Variants in MICU1 observed in about 807,000 individuals in gnomAD.
MICU1 encodes the protein mitochondrial calcium uptake 1, also known as calcium uptake protein 1, mitochondrial.
A neutral mutation model predicts 56.8 loss-of-function variants in MICU1; 45 were observed. The ratio of observed to expected loss-of-function variants is 0.79; its 90% CI spans 0.62 to 1.02. MICU1 has a LOEUF of 1.02. Ranked by LOEUF, MICU1 falls within the 50% of genes least tolerant of loss-of-function variation. The probability of loss-of-function intolerance (pLI) is 0.00; values close to 1 mark genes in which losing one functional copy is unlikely to be tolerated. For missense variants in MICU1, 504 were observed against 587.1 expected, an observed-to-expected ratio of 0.86 and a Z score of 1.46; for synonymous variants, 186 against 195.1, an observed-to-expected ratio of 0.95 and a Z score of 0.39.
chr10:72,414,773 T>C (rs1462175731), intron 9 of MICU1, among the ~76,000 whole-genome samples: 2 of 152,192 alleles, frequency 1.3e-5, no homozygotes, highest in African/African-American at 4.8e-5. Context: ...TGTAGCTTCC[T>C]TTGGAGTCAG....
chr10:72,606,731 C>G (rs909332015), intron 1 of MICU1, among the ~76,000 whole-genome samples: 1 of 151,804 alleles, frequency 6.6e-6, no homozygotes, highest in African/African-American at 2.4e-5. Context: ...TCTAAATAGT[C>G]CCAGAATGAG....
chr10:72,475,809 G>C (rs1866100906), intron 7 of MICU1: 1 of 456,096 alleles, frequency 2.2e-6, no homozygotes, highest in Non-Finnish European at 4.4e-6. Flanking sequence ...ACTTGCTCAA[G>C]GTCAAGTGGC....
At chr10:72,513,767 A>G (rs1589295966) in intron 5 of MICU1, among the ~76,000 whole-genome samples, 1 of 151,998 alleles carries the variant, frequency 6.6e-6, no homozygotes. Context: ...TTGTACGTGA[A>G]TATCTAGTGG....
intron 8 of MICU1, among the ~76,000 whole-genome samples, chr10:72,465,768 CCTCCCAA>C (rs1865777562): frequency 6.6e-6 from 1 of 152,006 alleles, no homozygotes; most frequent in African/African-American, 2.4e-5. Context: ...CCTGCCTCGG[CCTCCCAA>C]AGTACTGGGA....
chr10:72,564,701 G>A (rs1383329531), intron 2 of MICU1, among the ~76,000 whole-genome samples: 1 of 152,052 alleles, frequency 6.6e-6, no homozygotes, highest in Non-Finnish European at 1.5e-5. Flanking sequence ...AAAACCTGAG[G>A]TGCCTGGAAT....
At chr10:72,545,244 A>G (rs1839868668) in intron 4 of MICU1, among the ~76,000 whole-genome samples, 1 of 152,232 alleles carries the variant, frequency 6.6e-6, no homozygotes. Context: ...AATATATCAG[A>G]CTTTCCTCAT....
intron 10 of MICU1, among the ~76,000 whole-genome samples, chr10:72,395,662 G>T (rs989309511): frequency 1.3e-5 from 2 of 152,206 alleles, no homozygotes; most frequent in African/African-American, 4.8e-5. Context: ...CCATGCCCAC[G>T]GAGCCTTGCT....
intron 8 of MICU1, among the ~76,000 whole-genome samples, chr10:72,424,115 C>G (rs1369721183): frequency 9.1e-6 from 1 of 110,086 alleles, no homozygotes; most frequent in African/African-American, 2.5e-5. Context: ...GACCATTTCC[C>G]CCCCACCTTT....
intron 1 of MICU1, among the ~76,000 whole-genome samples, chr10:72,586,013 C>CTTTTTTTTTTTTTTTTTTTTT (rs71021511): frequency 6.3e-4 from 47 of 74,712 alleles, no homozygotes; most frequent in Non-Finnish European, 8.5e-4. Context: ...TTTTTTTTTT[C>CTTTTTTTTTTTTTTTTTTTTT]TTTTTTTTTT....
chr10:72,403,011 A>T (rs1373515025), intron 10 of MICU1, among the ~76,000 whole-genome samples: 2 of 152,266 alleles, frequency 1.3e-5, no homozygotes, highest in East Asian at 1.9e-4. Flanking sequence ...CACCATTTTG[A>T]GCCGAGGTGC....
chr10:72,533,177 C>T, intron 5 of MICU1: 1 of 1,266,670 alleles, frequency 7.9e-7, no homozygotes, highest in Non-Finnish European at 1.0e-6. Context: ...AAGGAAAAAA[C>T]ATGTTTGACT....
chr10:72,571,771 A>C (rs990155754), intron 1 of MICU1, among the ~76,000 whole-genome samples: 2 of 152,130 alleles, frequency 1.3e-5, no homozygotes, highest in African/African-American at 4.8e-5. Context: ...CCAAAGAAAA[A>C]CAAAATGTAG....
intron 5 of MICU1, chr10:72,533,143 TTC>T: frequency 7.8e-7 from 1 of 1,290,044 alleles, no homozygotes; most frequent in East Asian, 5.5e-5. Context: ...GTGTAATATT[TTC>T]TTTTTGGAGA....
intron 1 of MICU1, among the ~76,000 whole-genome samples, chr10:72,596,523 A>C (rs776585946): frequency 3.9e-5 from 6 of 152,170 alleles, no homozygotes; most frequent in Admixed American, 6.6e-5. Context: ...AATGATTAAG[A>C]CAACAAATTT....
chr10:72,375,478 G>T lies in MICU1; in HGVS notation c.1270+305C>A, dbSNP rs189858651. On this transcript the variant is annotated intron_variant, in intron 11 of 11. Transcript: ENST00000361114. ...TCAGATACCTGAGTGCTCCGTATCC[G>T]CTAAGTAGCAAGTTGAGTCTGACAT... is the stretch of plus-strand genomic sequence containing the variant. Among the ~76,000 whole-genome samples, 28 of 152,282 alleles carry T rather than the reference G, an allele frequency of 1.8e-4. 1 individual carries two copies. Among genetic ancestry groups the T allele is most frequent in the South Asian group, 4.1e-4 (2 of 4,826 alleles).
intron 9 of MICU1, among the ~76,000 whole-genome samples, chr10:72,418,752 A>C (rs1864064508): frequency 6.6e-6 from 1 of 152,228 alleles, no homozygotes; most frequent in Non-Finnish European, 1.5e-5. Flanking sequence ...AAGTGGAATA[A>C]AAGAAGCAAT....
intron 1 of MICU1, among the ~76,000 whole-genome samples, chr10:72,620,933 G>A (rs1222110892): frequency 6.6e-6 from 1 of 152,014 alleles, no homozygotes; most frequent in Non-Finnish European, 1.5e-5. Flanking sequence ...TGCTCTTAAA[G>A]CATGATTGGC....
chr10:72,401,158 A>AAATAAATAAATAATAAATAAAT (rs1189199353), intron 10 of MICU1, among the ~76,000 whole-genome samples: 2 of 152,210 alleles, frequency 1.3e-5, no homozygotes, highest in Non-Finnish European at 2.9e-5. Flanking sequence ...TGGATTAATA[A>AAATAAATAAATAATAAATAAAT]AATGAAATAA....
intron 5 of MICU1, 131 bp downstream of exon 5, chr10:72,533,615 C>G: frequency 1.6e-6 from 1 of 641,688 alleles, no homozygotes; most frequent in East Asian, 3.0e-5. Context: ...CACAGACCCC[C>G]TAACCTAAGC....
Sources: allele counts gnomAD v4.1 joint callset (sites outside exome capture counted in the v4.1 genomes callset), GRCh38; gene constraint gnomAD v4.1.1; transcripts MANE v1.5; gene names NCBI Gene and HGNC (gene_info 2026-07-23, HGNC 2026-07-21).